SMR3B: variants seen among roughly 807,000 people sequenced by gnomAD.
The protein encoded by SMR3B is submaxillary gland androgen regulated protein 3B, also known as submaxillary gland androgen-regulated protein 3B.
For synonymous variants in SMR3B, 42 were observed against 36.1 expected, an observed-to-expected ratio of 1.16 and a Z score of -0.59; for missense variants, 114 against 99.9, an observed-to-expected ratio of 1.14 and a Z score of -0.60.
At chr4:70,387,089 A>G (rs1732678774) in intron 2 of SMR3B, among the ~76,000 whole-genome samples, 1 of 152,218 alleles carries the variant, frequency 6.6e-6, no homozygotes, top group African/African-American at 2.4e-5. Flanking sequence ...GAGTTGGCAA[A>G]TCTAGAATAC....
At chr4:70,386,242 C>A (rs1732663095) in intron 2 of SMR3B, among the ~76,000 whole-genome samples, 1 of 141,834 alleles carries the variant, frequency 7.1e-6, no homozygotes. Context: ...CACTGCACTC[C>A]AGCCTGGGTG....
chr4:70,383,322 T>C (rs1732590176), intron 1 of SMR3B, 110 bp downstream of exon 1: 1 of 152,158 alleles, frequency 6.6e-6, no homozygotes, highest in Admixed American at 6.5e-5. Context: ...AGAACATTCA[T>C]TATCAGCAAA....
intron 2 of SMR3B, among the ~76,000 whole-genome samples, chr4:70,385,481 G>A (rs977614251): frequency 1.4e-5 from 2 of 138,966 alleles, no homozygotes; most frequent in African/African-American, 5.6e-5. Context: ...TCGGCTCACT[G>A]CAAGCTCCGC....
chr4:70,386,216 C>T (rs1258657687), intron 2 of SMR3B, among the ~76,000 whole-genome samples: 22 of 144,436 alleles, frequency 1.5e-4, no homozygotes, highest in East Asian at 8.1e-4. Flanking sequence ...GACATTGCAG[C>T]GAGCCAAGAT....
chr4:70,386,735 AG>A (rs1362025702), intron 2 of SMR3B, among the ~76,000 whole-genome samples: 1 of 152,244 alleles, frequency 6.6e-6, no homozygotes, highest in African/African-American at 2.4e-5. Flanking sequence ...GATCAACATC[AG>A]GATATCTTTA....
Position 70,385,398 on chromosome 4 carries a change from GTTT to G in SMR3B, c.54+855_54+857del, listed in dbSNP as rs71210170. Among the ~76,000 whole-genome samples, 38 of 107,052 alleles carry G rather than the reference GTTT, an allele frequency of 3.5e-4. No homozygotes were observed. In the South Asian group the frequency reaches 3.9e-3, roughly 11 times the overall value. The allele number at this position is 107,052 out of a possible 152,430, so 70.2% of individuals were successfully genotyped here. On this transcript the variant is annotated intron_variant, in intron 2 of 2. Coordinates refer to ENST00000304915, the MANE Select transcript of SMR3B (RefSeq NM_006685.4). ...AAATAATTCCTTTTTCATCTACTTT[GTTT>G]TTTTTTTTTTTTTTTTTTTTGAAAC...
chr4:70,388,518 TAAC>T (rs1732706412), intron 2 of SMR3B, among the ~76,000 whole-genome samples: 1 of 152,122 alleles, frequency 6.6e-6, no homozygotes, highest in South Asian at 2.1e-4. Flanking sequence ...AATCTGACAA[TAAC>T]AACAGGAGGT....
intron 2 of SMR3B, chr4:70,384,809 A>C: frequency 3.6e-6 from 2 of 561,562 alleles, no homozygotes; most frequent in South Asian, 6.5e-5. Flanking sequence ...GATACGTATA[A>C]ATGTTAAGTT....
chr4:70,390,136 A>C lies in SMR3B; in HGVS notation c.*288A>C, dbSNP rs1210473902. ...TTTTTGGATGAGAATGAAAAATTCC[A>C]AAAGTGCTGAGCTTTGGGGAGAAAT... On this transcript the variant is annotated 3_prime_UTR_variant, in exon 3 of 3. Coordinates refer to ENST00000304915, the MANE Select transcript of SMR3B (RefSeq NM_006685.4). 4.3e-6 allele frequency: 3 copies of C among 702,250 alleles called. No homozygotes were observed. The highest frequency in any genetic ancestry group is 7.7e-6 in the Non-Finnish European group (3 of 390,978). 43.5% of individuals were successfully genotyped at this position (702,250 alleles called of 1,614,324 possible). A position where few individuals can be genotyped will look rare whatever the true frequency, so the allele number is the denominator to read the frequency against.
Position 70,389,799 on chromosome 4 carries a change from C to T in SMR3B, c.191C>T (p.Pro64Leu), listed in dbSNP as rs1464095499. 6.2e-7 allele frequency: 1 copy of T among 1,613,966 alleles called. No homozygotes were observed. The highest frequency in any genetic ancestry group is 8.5e-7 in the Non-Finnish European group (1 of 1,179,956). ...CCAGGGAGAATCCCACCTCCTCCTC[C>T]CGCACCCTATGGTCCAGGGATATTT... ...YGPGRIPPPP[P>L]APYGPGIFPP... The change falls in exon 3 of 3, where the codon CCC (proline) becomes CTC (leucine). Residue 64 changes from proline to leucine, a missense_variant. Transcript: ENST00000304915.
chr4:70,384,294 C>T (rs1406248666), intron 1 of SMR3B, among the ~76,000 whole-genome samples: 1 of 152,190 alleles, frequency 6.6e-6, no homozygotes, highest in Admixed American at 6.5e-5. Flanking sequence ...ATAAAAACTA[C>T]TTCCACTATT....
rs1732628028 is a variant in SMR3B at position 70,384,688 on chromosome 4, A to T, written c.54+124A>T. On this transcript the variant is annotated intron_variant, in intron 2 of 2. Coordinates refer to ENST00000304915, the MANE Select transcript of SMR3B (RefSeq NM_006685.4). ...TTAGTAACTATTAATCATCAATGAA[A>T]CACTGTTTAGGGCTTAAATTTAAAT... 3.3e-6 allele frequency: 5 copies of T among 1,533,040 alleles called. No individual in the cohort carries two copies. The East Asian group carries it at 1.2e-4, about 36-fold the overall frequency. 95.0% of individuals were successfully genotyped at this position (1,533,040 alleles called of 1,614,324 possible).
At chr4:70,385,542 T>A (rs1057097861) in intron 2 of SMR3B, among the ~76,000 whole-genome samples, 5 of 151,930 alleles carry the variant, frequency 3.3e-5, no homozygotes, top group Non-Finnish European at 5.9e-5. Flanking sequence ...TAGCTGGGAC[T>A]ACAGGCGCCC....
In SMR3B at chr4:70,390,234, T is replaced by C. The variant is rs1182920297; in HGVS notation, c.*386T>C. On this transcript the variant is annotated 3_prime_UTR_variant, in exon 3 of 3. Transcript: ENST00000304915. ...ATACCAATGAGGCAAAAATAAAGAA[T>C]TGAGCACCAATATGAAGTCTCCACT... 1 of 484,512 alleles carries C rather than the reference T, an allele frequency of 2.1e-6. No individual in the cohort carries two copies. Among genetic ancestry groups the C allele is most frequent in the African/African-American group, 2.0e-5 (1 of 51,068 alleles). The allele number at this position is 484,512 out of a possible 1,614,324, so 30.0% of individuals were successfully genotyped here.
rs769338737 is a variant in SMR3B at position 70,389,801 on chromosome 4, G to T, written c.193G>T (p.Ala65Ser). 6.2e-7 allele frequency: 1 copy of T among 1,612,768 alleles called. No individual in the cohort carries two copies. Among genetic ancestry groups the T allele is most frequent in the Non-Finnish European group, 8.5e-7 (1 of 1,179,636 alleles). Residue 65 changes from alanine (A) to serine (S), a missense_variant, in exon 3 of 3, where the codon GCA (alanine) becomes TCA (serine). Coordinates refer to ENST00000304915, the MANE Select transcript of SMR3B (RefSeq NM_006685.4). ...AGGGAGAATCCCACCTCCTCCTCCC[G>T]CACCCTATGGTCCAGGGATATTTCC... ...GPGRIPPPPP[A>S]PYGPGIFPPP...
intron 2 of SMR3B, among the ~76,000 whole-genome samples, chr4:70,388,412 C>T (rs1218556445): frequency 6.6e-6 from 1 of 152,136 alleles, no homozygotes; most frequent in African/African-American, 2.4e-5. Flanking sequence ...CATGCCCAGC[C>T]TCAGCTATTT....
At chr4:70,384,313 A>C (rs1732616755) in intron 1 of SMR3B, among the ~76,000 whole-genome samples, 184 bp from the exon 2 acceptor site, 1 of 152,228 alleles carries the variant, frequency 6.6e-6, no homozygotes, top group African/African-American at 2.4e-5. Flanking sequence ...TTTTGAAGTC[A>C]AATTTTATAA....
At chr4:70,385,269 T>C (rs764195868) in intron 2 of SMR3B, among the ~76,000 whole-genome samples, 2 of 152,182 alleles carry the variant, frequency 1.3e-5, no homozygotes, top group Non-Finnish European at 2.9e-5. Flanking sequence ...CAAAGTACTA[T>C]AAAATCTATA....
At chr4:70,389,532 G>T in intron 2 of SMR3B, 131 bp from the exon 3 acceptor site, 1 of 886,306 alleles carries the variant, frequency 1.1e-6, no homozygotes. Context: ...GATAAGGTCA[G>T]GCCAGCATGT....
Sources: gnomAD v4.1 joint callset for allele counts (sites outside exome capture counted in the v4.1 genomes callset) on GRCh38, gnomAD v4.1.1 for gene constraint, MANE v1.5 for transcripts, NCBI Gene and HGNC (gene_info 2026-07-23, HGNC 2026-07-21) for gene names.